Variants in TAB3 observed in about 807,000 individuals in gnomAD.
The protein encoded by TAB3 is TGF-beta activated kinase 1 (MAP3K7) binding protein 3.
In TAB3, 18 loss-of-function variants were observed where a neutral mutation model predicts 48.1. The ratio of observed to expected loss-of-function variants is 0.37; its 90% CI spans 0.26 to 0.55. TAB3 has a LOEUF of 0.55. TAB3 is among the 20% of genes least tolerant of loss of function. The pLI, the probability that TAB3 is intolerant of heterozygous loss-of-function variation, is 0.78. For synonymous variants in TAB3, 185 were observed against 190.2 expected (o/e 0.97, Z 0.22); for missense variants, 414 against 549.8 (o/e 0.75, Z 2.47).
intron 9 of TAB3, among the ~76,000 whole-genome samples, chrX:30,842,177 CATTTTTATGTAACA>C (rs1408585618): frequency 8.9e-6 from 1 of 112,478 alleles, no homozygotes; most frequent in Non-Finnish European, 1.9e-5. Context: ...AATTTTAAAT[CATTTTTATGTAACA>C]ACTATCCAAA....
chrX:30,876,622 C>G (rs1348254509), intron 1 of TAB3, among the ~76,000 whole-genome samples: 1 of 111,433 alleles, frequency 9.0e-6, no homozygotes, highest in African/African-American at 3.3e-5. Context: ...CTTCCCACCT[C>G]AGTCTCCTGA....
intron 9 of TAB3, among the ~76,000 whole-genome samples, chrX:30,839,531 G>A (rs948105205): frequency 1.8e-5 from 2 of 110,591 alleles, no homozygotes; most frequent in African/African-American, 6.6e-5. Flanking sequence ...TTCTGCTAGC[G>A]CCATAAAAAA....
At chrX:30,837,636 T>C (rs1310715536) in intron 9 of TAB3, among the ~76,000 whole-genome samples, 2 of 112,339 alleles carry the variant, frequency 1.8e-5, no homozygotes, top group Admixed American at 1.9e-4. Flanking sequence ...TGGTCTGTGG[T>C]TTGCCTTTTC....
chrX:30,882,848 TA>T (rs1940032596), intron 1 of TAB3, among the ~76,000 whole-genome samples: 1 of 112,093 alleles, frequency 8.9e-6, no homozygotes, highest in Non-Finnish European at 1.9e-5. Context: ...TAGACAAAGG[TA>T]CCAGGGTTAT....
rs1207834039 is a variant in TAB3, at chrX:30,854,006, C to T, written c.1549+110G>A. 4 of 917,959 alleles carry T rather than the reference C, an allele frequency of 4.4e-6. No individual in the cohort carries two copies. The Admixed American group carries it at 1.6e-4, about 36-fold the overall frequency. 75.7% of individuals were successfully genotyped at this position (917,959 alleles called of 1,213,427 possible). Reference sequence around the variant, plus strand: ...TTTATTCTTAATAGCAATGCTACTGCCCAACATTTAATACTAAACATTTAA... The same window carrying T: ...TTTATTCTTAATAGCAATGCTACTGTCCAACATTTAATACTAAACATTTAA... On this transcript the variant is annotated intron_variant, in intron 6 of 10. Coordinates refer to ENST00000288422, the MANE Select transcript of TAB3 (RefSeq NM_152787.5).
At chrX:30,873,602 T>C (rs191092477) in intron 1 of TAB3, among the ~76,000 whole-genome samples, 1 of 110,281 alleles carries the variant, frequency 9.1e-6, no homozygotes, top group African/African-American at 3.3e-5. Flanking sequence ...GCCTCTGCCA[T>C]GCCTGAGACA....
In TAB3 at chrX:30,852,321, T is replaced by G. The variant is rs187794882; in HGVS notation, c.1710+457A>C. On this transcript the variant is annotated intron_variant, in intron 7 of 10. Coordinates refer to ENST00000288422, the MANE Select transcript of TAB3 (RefSeq NM_152787.5). ...AACAAAACTGCTCTGCCTTAAAATA[T>G]TCTACAGTTAACACTTCTCCAAAAT... 7.8e-4 allele frequency among the ~76,000 whole-genome samples: 88 copies of G among 112,450 alleles called. 1 individual carries two copies. Among genetic ancestry groups the G allele is most frequent in the Non-Finnish European group, 3.6e-4 (19 of 53,266 alleles).
chrX:30,832,062 T>G (rs1413603936), intron 10 of TAB3, among the ~76,000 whole-genome samples: 1 of 112,262 alleles, frequency 8.9e-6, no homozygotes, highest in Admixed American at 9.4e-5. Flanking sequence ...ATGTTTTATA[T>G]TAATGGTTCA....
intron 1 of TAB3, among the ~76,000 whole-genome samples, chrX:30,884,887 G>C (rs1318388414): frequency 8.0e-5 from 9 of 112,230 alleles, no homozygotes; most frequent in African/African-American, 2.6e-4. Flanking sequence ...CCTTTGAAAA[G>C]TTTCAAATCA....
At chrX:30,884,760 A>G (rs773136120) in intron 1 of TAB3, among the ~76,000 whole-genome samples, 6 of 112,302 alleles carry the variant, frequency 5.3e-5, no homozygotes, top group Non-Finnish European at 9.4e-5. Flanking sequence ...AACAGTGGTA[A>G]CAGTATGTAA....
At chrX:30,842,474 TTC>T (rs1411027423) in intron 9 of TAB3, among the ~76,000 whole-genome samples, 3 of 112,280 alleles carry the variant, frequency 2.7e-5, no homozygotes, top group Non-Finnish European at 5.6e-5. Context: ...GTGTTTCAGC[TTC>T]TGTTTGTAAA....
intron 7 of TAB3, among the ~76,000 whole-genome samples, chrX:30,851,582 C>A (rs753506158): frequency 8.9e-6 from 1 of 112,183 alleles, no homozygotes; most frequent in African/African-American, 3.2e-5. Flanking sequence ...ATATTAAACA[C>A]ACTTATGAAA....
In TAB3 at chrX:30,834,102, T is replaced by A; in HGVS notation, c.1939A>T (p.Thr647Ser). The A allele has an allele frequency of 8.3e-7, 1 of 1,211,308 alleles. No individual in the cohort carries two copies. The highest frequency in any genetic ancestry group is 2.2e-5 in the Admixed American group (1 of 45,944). Residue 647 changes from threonine (T) to serine (S), a missense_variant, in exon 10 of 11, where the codon ACC becomes TCC. Transcript: ENST00000288422. Reference sequence around the variant, plus strand: ...TGGATGTCTGCCTGTACTTTGGAGGTCACGCTAATTCTTCGGGCTTTTCTC... The same window carrying A: ...TGGATGTCTGCCTGTACTTTGGAGGACACGCTAATTCTTCGGGCTTTTCTC... ...IERKARRISV[T>S]SKVQADIHDT...
chrX:30,884,819 C>G (rs1483335523), intron 1 of TAB3, among the ~76,000 whole-genome samples: 1 of 112,183 alleles, frequency 8.9e-6, no homozygotes, highest in Non-Finnish European at 1.9e-5. Flanking sequence ...AAAACAAACA[C>G]ACTGTCCCAT....
chrX:30,859,261 GAACGTTTAGTAATT>G (rs1296001494), intron 5 of TAB3, among the ~76,000 whole-genome samples: 1 of 109,656 alleles, frequency 9.1e-6, no homozygotes, highest in African/African-American at 3.3e-5. Flanking sequence ...CGGATGCCTA[GAACGTTTAGTAATT>G]CTACAATGCA....
chrX:30,883,534 G>A (rs988253875), intron 1 of TAB3, among the ~76,000 whole-genome samples: 1 of 111,358 alleles, frequency 9.0e-6, no homozygotes, highest in African/African-American at 3.3e-5. Flanking sequence ...GCCTTTTAAG[G>A]AGCCAAGCCA....
chrX:30,878,632 A>C (rs1799170825), intron 1 of TAB3, among the ~76,000 whole-genome samples: 1 of 111,766 alleles, frequency 8.9e-6, no homozygotes, highest in Admixed American at 9.5e-5. Context: ...CATATATAGA[A>C]TGCTGTGTCC....
chrX:30,845,587 T>A (rs1368499895), intron 8 of TAB3: 2 of 113,884 alleles, frequency 1.8e-5, no homozygotes, highest in Admixed American at 1.8e-4. Flanking sequence ...ACTAAAACTT[T>A]TATTCACAGA....
intron 4 of TAB3, among the ~76,000 whole-genome samples, chrX:30,865,093 G>A (rs1214346562): frequency 8.9e-6 from 1 of 111,828 alleles, no homozygotes; most frequent in Non-Finnish European, 1.9e-5. Flanking sequence ...GTAAGTATCA[G>A]TGTACTCTAG....
Sources: gnomAD v4.1 joint callset for allele counts (sites outside exome capture counted in the v4.1 genomes callset) on GRCh38, gnomAD v4.1.1 for gene constraint, MANE v1.5 for transcripts, NCBI Gene and HGNC (gene_info 2026-07-23, HGNC 2026-07-21) for gene names.